Variants in SETD2 observed in about 807,000 individuals in gnomAD.
The protein encoded by SETD2 is SET domain containing 2, histone lysine methyltransferase, also known as histone-lysine N-methyltransferase SETD2.
SETD2 carries 31 observed loss-of-function variants against 242.1 expected under a neutral mutation model. That is an observed-to-expected ratio of 0.13 (90% confidence interval 0.10 to 0.17). The LOEUF (loss-of-function observed/expected upper bound fraction) is 0.17. Ranked by LOEUF, SETD2 falls within the 10% of genes least tolerant of loss-of-function variation. The pLI, the probability that SETD2 is intolerant of heterozygous loss-of-function variation, is 1.00. For synonymous variants in SETD2, 1,006 were observed against 1,066.5 expected (o/e 0.94, Z 1.11); for missense variants, 2,481 against 3,046.3 (o/e 0.81, Z 4.37).
At chr3:47,130,689 A>C (rs1466799509) in intron 1 of SETD2, among the ~76,000 whole-genome samples, 1 of 152,178 alleles carries the variant, frequency 6.6e-6, no homozygotes, top group African/African-American at 2.4e-5. Context: ...ATAAAAAATA[A>C]GGAGGCATGT....
chr3:47,056,712 T>C (rs2040096774), intron 15 of SETD2, 109 bp downstream of exon 15: 1 of 807,092 alleles, frequency 1.2e-6, no homozygotes, highest in Non-Finnish European at 2.0e-6. Flanking sequence ...ATAAAGTTGA[T>C]CAATATATAC....
chr3:47,152,402 A>G (rs2044006547), intron 1 of SETD2, among the ~76,000 whole-genome samples: 1 of 152,198 alleles, frequency 6.6e-6, no homozygotes, highest in African/African-American at 2.4e-5. Flanking sequence ...TGTATTTTCA[A>G]CCAGGTCTGT....
intron 1 of SETD2, among the ~76,000 whole-genome samples, chr3:47,147,074 A>T (rs1358016868): frequency 6.6e-6 from 1 of 152,074 alleles, no homozygotes; most frequent in African/African-American, 2.4e-5. Context: ...GCAGTGGTGC[A>T]ATCTCAGCTC....
intron 8 of SETD2, among the ~76,000 whole-genome samples, chr3:47,101,176 G>C (rs563900390): frequency 2.0e-4 from 31 of 152,024 alleles, no homozygotes; most frequent in Non-Finnish European, 4.0e-4. Flanking sequence ...GACACAAAAA[G>C]AGTTGGCATG....
intron 1 of SETD2, among the ~76,000 whole-genome samples, chr3:47,147,910 T>C (rs1261542555): frequency 7.8e-6 from 1 of 128,076 alleles, no homozygotes; most frequent in African/African-American, 3.1e-5. Flanking sequence ...AGAGCAAGAC[T>C]CTGTCTCAAA....
At chr3:47,129,498 C>T (rs1002843038) in intron 1 of SETD2, among the ~76,000 whole-genome samples, 3 of 152,140 alleles carry the variant, frequency 2.0e-5, no homozygotes, top group Admixed American at 1.3e-4. Flanking sequence ...ATCTTGCTTC[C>T]CTCCCTCATG....
At chr3:47,029,213 C>T (rs551146184) in intron 18 of SETD2, among the ~76,000 whole-genome samples, 1 of 151,840 alleles carries the variant, frequency 6.6e-6, no homozygotes, top group African/African-American at 2.4e-5. Flanking sequence ...CACATGTGCA[C>T]CAACATGCCT....
rs2106686303 is a variant in SETD2 at position 47,122,746 on chromosome 3, T to C, written c.1890A>G (p.Leu630=). 1 of 1,611,122 alleles carries C rather than the reference T, an allele frequency of 6.2e-7. No individual in the cohort carries two copies. The highest frequency in any genetic ancestry group is 8.5e-7 in the Non-Finnish European group (1 of 1,179,094). ...RLNDSPTLKK[L]DELPIFKSEF... Reference sequence around the variant, plus strand: ...CGGACTTAAAAATAGGCAATTCATCTAGCTTTTTTAAAGTAGGTGAATCAT... The same window carrying C: ...CGGACTTAAAAATAGGCAATTCATCCAGCTTTTTTAAAGTAGGTGAATCAT... The change falls in exon 3 of 21, where the codon CTA becomes CTG. Residue 630 remains leucine, a synonymous_variant. Coordinates refer to ENST00000409792, the MANE Select transcript of SETD2 (RefSeq NM_014159.7).
intron 16 of SETD2, among the ~76,000 whole-genome samples, chr3:47,044,786 T>C (rs1157028339): frequency 9.2e-5 from 14 of 152,234 alleles, no homozygotes; most frequent in Non-Finnish European, 1.9e-4. Flanking sequence ...TATCACACAA[T>C]TCTACATGCC....
At chr3:47,066,876 A>G in intron 13 of SETD2, 194 bp downstream of exon 13, 1 of 495,890 alleles carries the variant, frequency 2.0e-6, no homozygotes, top group Non-Finnish European at 3.5e-6. Flanking sequence ...ACAGTGTAAG[A>G]GACATTTCCT....
chr3:47,154,825 T>C (rs1464397553), intron 1 of SETD2, among the ~76,000 whole-genome samples: 1 of 152,086 alleles, frequency 6.6e-6, no homozygotes, highest in Middle Eastern at 3.4e-3. Context: ...AACCCATCTC[T>C]ACTAAAAAAA....
At chr3:47,069,232 A>G (rs6442055) in intron 12 of SETD2, among the ~76,000 whole-genome samples, 99,240 of 152,028 alleles carry the variant, frequency 0.65, 32,821 homozygotes, top group African/African-American at 0.76. Flanking sequence ...AGTCTAACTC[A>G]AGAGCACTTT....
chr3:47,142,632 G>A (rs749803337), intron 1 of SETD2, among the ~76,000 whole-genome samples: 3 of 151,936 alleles, frequency 2.0e-5, no homozygotes, highest in Non-Finnish European at 4.4e-5. Flanking sequence ...CTTCGTGGTG[G>A]GGGGAGGTGG....
At chr3:47,153,504 C>T (rs752663718) in intron 1 of SETD2, among the ~76,000 whole-genome samples, 1 of 152,208 alleles carries the variant, frequency 6.6e-6, no homozygotes, top group Non-Finnish European at 1.5e-5. Flanking sequence ...AATTCCAGTG[C>T]TTTGGGAGGC....
intron 1 of SETD2, among the ~76,000 whole-genome samples, chr3:47,138,013 C>T (rs1440981293): frequency 6.6e-6 from 1 of 151,940 alleles, no homozygotes; most frequent in Non-Finnish European, 1.5e-5. Context: ...GCTCTGTCGC[C>T]CAGGCTGGAG....
At chr3:47,091,222 G>A (rs924668659) in intron 9 of SETD2, among the ~76,000 whole-genome samples, 10 of 152,056 alleles carry the variant, frequency 6.6e-5, no homozygotes, top group Admixed American at 4.6e-4. Flanking sequence ...CAAATTCTAC[G>A]GTATTAGATG....
chr3:47,047,822 G>A (rs1321863018), intron 15 of SETD2, among the ~76,000 whole-genome samples: 2 of 152,162 alleles, frequency 1.3e-5, no homozygotes, highest in African/African-American at 4.8e-5. Context: ...TTAACAAGGG[G>A]GGTACATTCT....
intron 5 of SETD2, among the ~76,000 whole-genome samples, chr3:47,112,428 C>T (rs542908670): frequency 6.6e-6 from 1 of 151,932 alleles, no homozygotes; most frequent in African/African-American, 2.4e-5. Context: ...ATTATTGGTG[C>T]CTGCCACCAC....
In SETD2 at chr3:47,056,922, G is replaced by C. The variant is rs753338268; in HGVS notation, c.6862C>G (p.Pro2288Ala). 1 of 1,613,562 alleles carries C rather than the reference G, an allele frequency of 6.2e-7. No individual in the cohort carries two copies. The highest frequency in any genetic ancestry group is 8.5e-7 in the Non-Finnish European group (1 of 1,179,408). ...TATATGGTTGCTTGAGACTGTGCAG[G>C]AGAGTACTGCTGCTGTACACTGACA... ...QSVSVQQQYS[P>A]AQSQATIYYQ... Residue 2288 changes from proline (P) to alanine (A), a missense_variant, in exon 15 of 21, where the codon CCT (proline) becomes GCT (alanine). By Grantham distance (27) the Pro-to-Ala change is conservative. Around this residue, in one of 17 missense-constraint regions of SETD2, gnomAD observed 235 missense variants for 293.9 expected, o/e 0.80. Coordinates refer to ENST00000409792, the MANE Select transcript of SETD2 (RefSeq NM_014159.7).
Sources: allele counts gnomAD v4.1 joint callset (sites outside exome capture counted in the v4.1 genomes callset), GRCh38; gene constraint gnomAD v4.1.1; regional missense constraint gnomAD v4.1.1; transcripts MANE v1.5; gene names NCBI Gene and HGNC (gene_info 2026-07-23, HGNC 2026-07-21).